Variants in MAPKAP1 observed in about 807,000 individuals in gnomAD.
MAPKAP1 encodes the protein MAPK associated protein 1.
In MAPKAP1, 20 loss-of-function variants were observed where a neutral mutation model predicts 65.7. That is an observed-to-expected ratio of 0.30 (90% CI 0.21 to 0.44). The LOEUF (loss-of-function observed/expected upper bound fraction) is 0.44. Among genes scored for constraint, MAPKAP1 ranks in the 20% least tolerant of loss-of-function variants. The probability of loss-of-function intolerance (pLI) is 1.00; values close to 1 mark genes in which losing one functional copy is unlikely to be tolerated. For missense variants in MAPKAP1, 423 were observed against 648.0 expected (o/e 0.65, Z 3.77); for synonymous variants, 222 against 244.3 (o/e 0.91, Z 0.85).
intron 8 of MAPKAP1, among the ~76,000 whole-genome samples, chr9:125,496,800 T>G (rs1223622248): frequency 6.6e-6 from 1 of 152,144 alleles, no homozygotes; most frequent in Non-Finnish European, 1.5e-5. Flanking sequence ...AGACGCTTAT[T>G]CAAACCCAAG....
At chr9:125,597,553 A>G (rs1832175378) in intron 4 of MAPKAP1, among the ~76,000 whole-genome samples, 1 of 152,256 alleles carries the variant, frequency 6.6e-6, no homozygotes, top group African/African-American at 2.4e-5. Flanking sequence ...CCAGTAATAA[A>G]TTGAGTATCA....
chr9:125,438,877 GA>G lies in MAPKAP1; in HGVS notation c.*9del. On this transcript the variant is annotated 3_prime_UTR_variant, in exon 12 of 12. Coordinates refer to ENST00000265960, the MANE Select transcript of MAPKAP1 (RefSeq NM_001006617.3). The stretch of plus-strand genomic sequence containing the variant: ...TGAGCTACGGAACAGATTGAGGCTG[GA>G]GGCCAGTGTCACTGCTGCCCGGATT... 2.5e-6 allele frequency: 4 copies of G among 1,614,152 alleles called. No homozygotes were observed. Among genetic ancestry groups the G allele is most frequent in the Non-Finnish European group, 3.4e-6 (4 of 1,180,000 alleles).
intron 8 of MAPKAP1, among the ~76,000 whole-genome samples, chr9:125,490,508 C>T (rs190268227): frequency 7.2e-5 from 11 of 152,156 alleles, no homozygotes; most frequent in Admixed American, 2.0e-4. Flanking sequence ...CACTGCACTC[C>T]AGCCTGGGCA....
rs1832755744 is a variant in MAPKAP1 at position 125,616,685 on chromosome 9, T to C, written c.499-30958A>G. Among the ~76,000 whole-genome samples, 3 of 152,054 alleles carry C rather than the reference T, an allele frequency of 2.0e-5. 1 individual carries two copies. The South Asian group carries it at 6.2e-4, about 32-fold the overall frequency. On this transcript the variant is annotated intron_variant, in intron 4 of 11. Transcript: ENST00000265960. ...ACCCATAAGACTAGAAAAAACTAAG[T>C]CTGATGTGGGAGCACAACACTGACG...
At chr9:125,457,800 G>C (rs941468294) in intron 10 of MAPKAP1, among the ~76,000 whole-genome samples, 3 of 152,216 alleles carry the variant, frequency 2.0e-5, no homozygotes, top group African/African-American at 7.2e-5. Context: ...CAGAACTCTA[G>C]TTTATAGCTC....
chr9:125,661,429 G>C lies in MAPKAP1; in HGVS notation c.350-3630C>G, dbSNP rs116418085. ...TGAAAACAAACAAACATCCCTCACC[G>C]GGGCATGGGTTGGCACTGGTACATG... On this transcript the variant is annotated intron_variant, in intron 3 of 11. Transcript: ENST00000265960. Among the ~76,000 whole-genome samples the C allele has an allele frequency of 5.0e-3, 759 of 152,196 alleles. 5 individuals are homozygous for C. Among genetic ancestry groups the C allele is most frequent in the African/African-American group, 0.017 (716 of 41,508 alleles).
chr9:125,452,970 A>C, intron 10 of MAPKAP1, among the ~76,000 whole-genome samples: 1 of 152,350 alleles, frequency 6.6e-6, no homozygotes. Context: ...TAACTCACTA[A>C]AATAATACAC....
chr9:125,701,404 TC>T (rs1564623743), intron 1 of MAPKAP1, among the ~76,000 whole-genome samples: 1 of 152,228 alleles, frequency 6.6e-6, no homozygotes, highest in African/African-American at 2.4e-5. Context: ...GGAAAAAAGA[TC>T]CGAGGATTTG....
At chr9:125,449,609 TA>T (rs1395983254) in intron 10 of MAPKAP1, among the ~76,000 whole-genome samples, 5 of 152,142 alleles carry the variant, frequency 3.3e-5, no homozygotes, top group African/African-American at 1.2e-4. Flanking sequence ...TTTTTCAAAG[TA>T]AGACAGAGAA....
intron 4 of MAPKAP1, among the ~76,000 whole-genome samples, chr9:125,649,214 T>A (rs1833819913): frequency 6.6e-6 from 1 of 152,140 alleles, no homozygotes; most frequent in Non-Finnish European, 1.5e-5. Flanking sequence ...GGGCTAGACC[T>A]CAGTGCTCGA....
chr9:125,667,034 C>G (rs1381395574), intron 3 of MAPKAP1, among the ~76,000 whole-genome samples: 2 of 151,962 alleles, frequency 1.3e-5, no homozygotes, highest in African/African-American at 4.8e-5. Flanking sequence ...TATCAAAATC[C>G]GTGAGACACA....
Position 125,506,341 on chromosome 9 carries a change from G to T in MAPKAP1, c.1035C>A (p.Ser345Arg). 1.2e-6 allele frequency: 2 copies of T among 1,614,080 alleles called. No individual in the cohort carries two copies. Among genetic ancestry groups the T allele is most frequent in the South Asian group, 1.1e-5 (1 of 91,082 alleles). Residue 345 changes from serine to arginine, a missense_variant, in exon 8 of 12, where the codon AGC (serine) becomes AGA (arginine). Physicochemically the swap from Ser to Arg is moderately radical, Grantham distance 110. Coordinates refer to ENST00000265960, the MANE Select transcript of MAPKAP1 (RefSeq NM_001006617.3). ...VDLDSTLESQ[S>R]AWEFCLVREN... ...CGCGGACCAGGCAGAACTCCCATGC[G>T]CTCTGGCTCTCCAAAGTGCTGTCCA...
chr9:125,591,674 G>A (rs995353481), intron 4 of MAPKAP1, among the ~76,000 whole-genome samples: 1 of 152,112 alleles, frequency 6.6e-6, no homozygotes, highest in African/African-American at 2.4e-5. Flanking sequence ...TTAATAAGGA[G>A]ACTGTCTTCT....
intron 6 of MAPKAP1, among the ~76,000 whole-genome samples, chr9:125,551,278 T>A (rs1830576738): frequency 6.6e-6 from 1 of 152,092 alleles, no homozygotes. Flanking sequence ...TCTGGTCACT[T>A]GGGGTATACT....
chr9:125,595,856 A>C lies in MAPKAP1; in HGVS notation c.499-10129T>G. 8.8e-7 allele frequency: 1 copy of C among 1,131,722 alleles called. No individual in the cohort carries two copies. The highest frequency in any genetic ancestry group is 1.3e-6 in the Non-Finnish European group (1 of 755,444). The allele number at this position is 1,131,722 out of a possible 1,614,324, so 70.1% of individuals were successfully genotyped here. The stretch of plus-strand genomic sequence containing the variant: ...GGGTTTTGGGTTTGTCACCTATGCC[A>C]CTGTGGAGGAGGTGGATGCAGCCAT... On this transcript the variant is annotated intron_variant, in intron 4 of 11. Coordinates refer to ENST00000265960, the MANE Select transcript of MAPKAP1 (RefSeq NM_001006617.3). This position sits in a 1 kb window ranked among gnomAD's most constrained non-coding sequence, Gnocchi z 4.0.
chr9:125,662,357 C>T (rs964386526), intron 3 of MAPKAP1, among the ~76,000 whole-genome samples: 5 of 152,196 alleles, frequency 3.3e-5, no homozygotes, highest in South Asian at 2.1e-4. Flanking sequence ...ATTCTAGCCC[C>T]GGTGAGAGTG....
intron 10 of MAPKAP1, among the ~76,000 whole-genome samples, chr9:125,454,868 C>T (rs892119837): frequency 3.9e-5 from 6 of 152,018 alleles, no homozygotes; most frequent in African/African-American, 1.5e-4. Flanking sequence ...TGAGTTGGGG[C>T]TAGGGTTATT....
chr9:125,468,169 C>A, intron 9 of MAPKAP1, 60 bp from the exon 10 acceptor site: 1 of 1,556,662 alleles, frequency 6.4e-7, no homozygotes, highest in Non-Finnish European at 8.8e-7. Flanking sequence ...TAAGTGATTT[C>A]AGGGAAATCA....
At chr9:125,698,794 T>C (rs1835509950) in intron 1 of MAPKAP1, among the ~76,000 whole-genome samples, 1 of 152,174 alleles carries the variant, frequency 6.6e-6, no homozygotes, top group Non-Finnish European at 1.5e-5. Flanking sequence ...TGGAAGTGTT[T>C]CTTGTTACTC....
Sources: allele counts gnomAD v4.1 joint callset (sites outside exome capture counted in the v4.1 genomes callset), GRCh38; gene constraint gnomAD v4.1.1; non-coding constraint Gnocchi (gnomAD v3.1); transcripts MANE v1.5; gene names NCBI Gene and HGNC (gene_info 2026-07-23, HGNC 2026-07-21).